The following XPO7 variants were observed in gnomAD, a reference collection of about 807,000 sequenced individuals.
The protein encoded by XPO7 is exportin 7, also known as exportin-7.
A neutral mutation model predicts 144.3 loss-of-function variants in XPO7; 21 were observed. The observed-to-expected ratio is 0.15, with a 90% CI of 0.10 to 0.21. The LOEUF (loss-of-function observed/expected upper bound fraction) is 0.21, where lower values mean the gene tolerates loss of function less well. XPO7 is among the 10% of genes least tolerant of loss of function. The probability of loss-of-function intolerance (pLI) is 1.00; values close to 1 mark genes in which losing one functional copy is unlikely to be tolerated. For synonymous variants in XPO7, 580 were observed against 499.6 expected (o/e 1.16, Z -2.15); for missense variants, 808 against 1,325.8 (o/e 0.61, Z 6.06).
At position 21,976,349 on chromosome 8, in the gene XPO7, T is replaced by G; in HGVS notation, c.598-7T>G. ...TTTGGGGACTCATTATGTGGTAATT[T>G]TTACAGGCTTCAGGAAAGAATCTAA... On this transcript the variant is annotated splice_region_variant and splice_polypyrimidine_tract_variant and intron_variant, in intron 6 of 27. Transcript: ENST00000252512. The G allele has an allele frequency of 6.2e-7, 1 of 1,612,346 alleles. No homozygotes were observed. The highest frequency in any genetic ancestry group is 8.5e-7 in the Non-Finnish European group (1 of 1,178,896).
At chr8:22,000,924 T>TA in intron 24 of XPO7, among the ~76,000 whole-genome samples, 1 of 152,342 alleles carries the variant, frequency 6.6e-6, no homozygotes, top group Admixed American at 6.5e-5. Context: ...GCGACTTTGA[T>TA]ACACATTTAC....
chr8:21,998,962 T>C, intron 22 of XPO7, 125 bp downstream of exon 22: 2 of 1,432,300 alleles, frequency 1.4e-6, no homozygotes. Flanking sequence ...TGTATGCTAA[T>C]ACATGTGCAT....
intron 1 of XPO7, among the ~76,000 whole-genome samples, chr8:21,956,840 A>G (rs763653281): frequency 2.0e-5 from 3 of 149,708 alleles, no homozygotes; most frequent in South Asian, 4.2e-4. Flanking sequence ...TTCTCCCTAT[A>G]TAGTTTTTAC....
At position 21,987,153 on chromosome 8, in the gene XPO7, G is replaced by C. The variant is rs1287445712; in HGVS notation, c.1590G>C (p.Leu530=). The change falls in exon 14 of 28, where the codon CTG becomes CTC. Residue 530 remains leucine (L), a synonymous_variant. Coordinates refer to ENST00000252512, the MANE Select transcript of XPO7 (RefSeq NM_015024.5). ...DGELVCRVLQ[L]MNLTDSRLAQ... ...CCTCTTCCTCCAGGGTGCTCCAGCT[G>C]ATGAACCTAACAGATTCTCGTTTGG... The C allele has an allele frequency of 1.9e-6, 3 of 1,613,952 alleles. No homozygotes were observed. The highest frequency in any genetic ancestry group is 2.5e-6 in the Non-Finnish European group (3 of 1,179,888).
chr8:21,923,955 A>G (rs1358789636), intron 1 of XPO7, among the ~76,000 whole-genome samples: 3 of 152,180 alleles, frequency 2.0e-5, no homozygotes, highest in African/African-American at 2.4e-5. Context: ...AACACCTAAC[A>G]TTATCTCACA....
At chr8:21,974,534 A>G (rs2117340754) in intron 5 of XPO7, 136 bp from the exon 6 acceptor site, 2 of 623,024 alleles carry the variant, frequency 3.2e-6, no homozygotes, top group South Asian at 2.2e-5. Context: ...GCGTTTCACA[A>G]TAATTTAAAT....
Position 22,004,030 on chromosome 8 carries a change from G to C in XPO7, c.3170G>C (p.Arg1057Thr). Residue 1057 changes from arginine (R) to threonine (T), a missense_variant and splice_region_variant, in exon 27 of 28, where the codon AGG (arginine) becomes ACG (threonine). Physicochemically the swap from Arg to Thr is moderately conservative, Grantham distance 71. Around this residue, in one of 5 missense-constraint regions of XPO7, gnomAD observed 140 missense variants for 237.9 expected, o/e 0.59. Coordinates refer to ENST00000252512, the MANE Select transcript of XPO7 (RefSeq NM_015024.5). ...AATCTTCTTACGAAAAACAGAGACA[G>C]GTGAGTATAAAGCGTCCTGCCTAGA... Reference protein sequence around the residue: ...ERNLLTKNRDRFTQNLSAFRR... With the variant: ...ERNLLTKNRDTFTQNLSAFRR... The C allele has an allele frequency of 6.2e-7, 1 of 1,613,832 alleles. No homozygotes were observed. Among genetic ancestry groups the C allele is most frequent in the South Asian group, 1.1e-5 (1 of 91,060 alleles).
intron 9 of XPO7, 45 bp downstream of exon 9, chr8:21,980,248 G>A: frequency 6.5e-7 from 1 of 1,536,072 alleles, no homozygotes; most frequent in Non-Finnish European, 8.8e-7. Context: ...TTAGTGTATG[G>A]CCAGCTGTTA....
At chr8:21,972,048 C>A in intron 5 of XPO7, 107 bp downstream of exon 5, 1 of 1,041,244 alleles carries the variant, frequency 9.6e-7, no homozygotes, top group Non-Finnish European at 1.5e-6. Context: ...TGTGCTTTTG[C>A]GGTAAGTGAT....
chr8:21,995,878 A>G lies in XPO7; in HGVS notation c.2345+279A>G, dbSNP rs569466564. ...CTCCCAGGCTGGAGTGCAGTGGCAC[A>G]GTCTCGGCTCACTGCAAGCTCCATC... On this transcript the variant is annotated intron_variant, in intron 21 of 27. Coordinates refer to ENST00000252512, the MANE Select transcript of XPO7 (RefSeq NM_015024.5). Among the ~76,000 whole-genome samples the G allele has an allele frequency of 4.2e-4, 64 of 152,178 alleles. 1 individual carries two copies. In the South Asian group the frequency reaches 0.013, roughly 31 times the overall value.
intron 6 of XPO7, among the ~76,000 whole-genome samples, chr8:21,975,954 G>A (rs1256568434): frequency 6.6e-6 from 1 of 152,184 alleles, no homozygotes; most frequent in African/African-American, 2.4e-5. Context: ...AGGGCAGGGT[G>A]TTAAGCATCC....
intron 25 of XPO7, 188 bp from the exon 26 acceptor site, chr8:22,003,031 T>G (rs1813205844): frequency 2.3e-6 from 1 of 438,598 alleles, no homozygotes; most frequent in East Asian, 4.0e-5. Flanking sequence ...AGAAAGGAAA[T>G]GAATATCTTA....
intron 1 of XPO7, among the ~76,000 whole-genome samples, chr8:21,942,003 A>AT (rs2117269437): frequency 6.6e-6 from 1 of 152,358 alleles, no homozygotes; most frequent in African/African-American, 2.4e-5. Context: ...AGTGATTCCT[A>AT]TAAAAGTCGG....
At chr8:22,000,704 T>C (rs763556562) in intron 24 of XPO7, among the ~76,000 whole-genome samples, 20 of 152,090 alleles carry the variant, frequency 1.3e-4, no homozygotes, top group Non-Finnish European at 2.5e-4. Context: ...CCGCCTGGCT[T>C]GGCCTCCCAA....
chr8:21,933,096 A>ATT lies in XPO7; in HGVS notation c.18+13329_18+13330dup, dbSNP rs34592897. On this transcript the variant is annotated intron_variant, in intron 1 of 27. Coordinates refer to ENST00000252512, the MANE Select transcript of XPO7 (RefSeq NM_015024.5). ...GGAAATTTACTTCTCCTTTTGCTGG[A>ATT]TTTTTTTTTTTTTTTTTTTTTTGAG... 1.2e-3 allele frequency among the ~76,000 whole-genome samples: 128 copies of ATT among 110,742 alleles called. 1 individual carries two copies. Among genetic ancestry groups the ATT allele is most frequent in the African/African-American group, 2.7e-3 (78 of 28,712 alleles). 72.7% of individuals were successfully genotyped at this position (110,742 alleles called of 152,430 possible). A position where few individuals can be genotyped will look rare whatever the true frequency, so the allele number is the denominator to read the frequency against.
chr8:21,985,009 GGAA>G (rs1464158214), intron 12 of XPO7, among the ~76,000 whole-genome samples, 170 bp downstream of exon 12: 3 of 152,202 alleles, frequency 2.0e-5, no homozygotes, highest in Non-Finnish European at 4.4e-5. Context: ...AAGGGACTAG[GGAA>G]GAAGAACTGA....
At position 21,988,991 on chromosome 8, in the gene XPO7, T is replaced by C; in HGVS notation, c.1788-12T>C. The C allele has an allele frequency of 1.2e-6, 2 of 1,611,136 alleles. No homozygotes were observed. The highest frequency in any genetic ancestry group is 1.7e-6 in the Non-Finnish European group (2 of 1,179,178). ...AGGGTCTCCTGCTTTTTTTTTTCTT[T>C]TTGTCCTCCAGCATCACCAACTTGA... On this transcript the variant is annotated splice_polypyrimidine_tract_variant and intron_variant, in intron 15 of 27. Transcript: ENST00000252512.
chr8:21,919,680 C>G lies in XPO7; in HGVS notation c.-91C>G, dbSNP rs955959829. On this transcript the variant is annotated 5_prime_UTR_variant, in exon 1 of 28. Coordinates refer to ENST00000252512, the MANE Select transcript of XPO7 (RefSeq NM_015024.5). The stretch of plus-strand genomic sequence containing the variant: ...AGTCCCCAGCGCGCAGGCGCAGCGG[C>G]GACGGCGTCGGCGGCGGCGGCGGCA... 2.7e-4 allele frequency: 50 copies of G among 184,200 alleles called. No homozygotes were observed. The highest frequency in any genetic ancestry group is 1.0e-3 in the African/African-American group (43 of 41,828). The allele number at this position is 184,200 out of a possible 1,614,324, so 11.4% of individuals were successfully genotyped here.
chr8:21,951,304 C>T (rs1401210865), intron 1 of XPO7, among the ~76,000 whole-genome samples: 1 of 151,752 alleles, frequency 6.6e-6, no homozygotes, highest in South Asian at 2.1e-4. Flanking sequence ...CTTAATTACC[C>T]TTTTGAATAC....
Sources: allele counts gnomAD v4.1 joint callset (sites outside exome capture counted in the v4.1 genomes callset), GRCh38; gene constraint gnomAD v4.1.1; regional missense constraint gnomAD v4.1.1; transcripts MANE v1.5; gene names NCBI Gene and HGNC (gene_info 2026-07-23, HGNC 2026-07-21).